ADK: variants seen among roughly 807,000 people sequenced by gnomAD.
The protein encoded by ADK is adenosine kinase.
ADK carries 24 observed loss-of-function variants against 44.7 expected under a neutral mutation model. The observed-to-expected ratio is 0.54, with a 90% CI of 0.39 to 0.76. The LOEUF is 0.76. Ranked by LOEUF, ADK falls within the 30% of genes least tolerant of loss-of-function variation. The probability of loss-of-function intolerance (pLI) is 0.00; values close to 1 mark genes in which losing one functional copy is unlikely to be tolerated. For missense variants in ADK, 321 were observed against 425.1 expected (o/e 0.76, Z 2.15); for synonymous variants, 128 against 142.6 (o/e 0.90, Z 0.73).
intron 6 of ADK, among the ~76,000 whole-genome samples, chr10:74,512,441 A>G (rs953701766): frequency 2.8e-5 from 3 of 107,180 alleles, no homozygotes; most frequent in African/African-American, 1.0e-4. Flanking sequence ...ACTTTTTGTT[A>G]TTAAATCAAT....
intron 4 of ADK, among the ~76,000 whole-genome samples, chr10:74,353,327 T>C (rs1200826306): frequency 6.6e-6 from 1 of 152,056 alleles, no homozygotes; most frequent in Non-Finnish European, 1.5e-5. Context: ...AAACACCACA[T>C]GTTCTCATTA....
intron 1 of ADK, among the ~76,000 whole-genome samples, chr10:74,155,959 C>T (rs149727601): frequency 9.2e-5 from 14 of 152,218 alleles, no homozygotes; most frequent in Middle Eastern, 3.4e-3. Flanking sequence ...TACTTATATT[C>T]GCAAATTTAA....
rs1344973928 is a variant in ADK, at chr10:74,443,705, TA to T, written c.555+45129del. On this transcript the variant is annotated intron_variant, in intron 6 of 10. Transcript: ENST00000539909. ...AATTTATATGTGAATTAGATCTCAA[TA>T]AAGCTTTTATTTTAAAAAATAGATG... Among the ~76,000 whole-genome samples, 4 of 152,156 alleles carry T rather than the reference TA, an allele frequency of 2.6e-5. No individual in the cohort carries two copies. In the East Asian group the frequency reaches 7.7e-4, roughly 29 times the overall value.
chr10:74,285,629 C>T (rs753580283), intron 3 of ADK, among the ~76,000 whole-genome samples: 54 of 152,188 alleles, frequency 3.5e-4, no homozygotes, highest in Non-Finnish European at 5.6e-4. Flanking sequence ...TCCACTGAGC[C>T]GAGATTGCAC....
intron 7 of ADK, among the ~76,000 whole-genome samples, chr10:74,535,222 A>T (rs911290851): frequency 6.6e-6 from 1 of 152,062 alleles, no homozygotes; most frequent in African/African-American, 2.4e-5. Context: ...GCACTTTGGG[A>T]GGTTGAAGTG....
At chr10:74,449,826 T>G (rs1274440576) in intron 6 of ADK, among the ~76,000 whole-genome samples, 1 of 152,200 alleles carries the variant, frequency 6.6e-6, no homozygotes, top group Admixed American at 6.5e-5. Flanking sequence ...GTATCGTGTG[T>G]TATTTATCCT....
intron 3 of ADK, among the ~76,000 whole-genome samples, chr10:74,268,669 A>G (rs938244429): frequency 1.4e-4 from 21 of 152,210 alleles, no homozygotes; most frequent in African/African-American, 4.8e-4. Context: ...AAATTAGCCT[A>G]TAATCTGTAA....
chr10:74,191,726 C>T (rs570719250), intron 1 of ADK, among the ~76,000 whole-genome samples: 6 of 152,120 alleles, frequency 3.9e-5, no homozygotes, highest in Admixed American at 6.5e-5. Context: ...AAGCTGATTT[C>T]GGTGTTATAC....
At chr10:74,385,333 C>T (rs1241153492) in intron 4 of ADK, among the ~76,000 whole-genome samples, 4 of 151,960 alleles carry the variant, frequency 2.6e-5, no homozygotes, top group Non-Finnish European at 1.5e-5. Context: ...ATATTCAGAG[C>T]AGTCATTTGA....
intron 9 of ADK, among the ~76,000 whole-genome samples, chr10:74,664,700 G>C (rs1254038062): frequency 6.6e-6 from 1 of 151,974 alleles, no homozygotes; most frequent in Non-Finnish European, 1.5e-5. Flanking sequence ...AAAATTAGCC[G>C]GGCATGGTGG....
chr10:74,270,036 A>T (rs1846366331), intron 3 of ADK, among the ~76,000 whole-genome samples: 1 of 152,162 alleles, frequency 6.6e-6, no homozygotes, highest in Non-Finnish European at 1.5e-5. Flanking sequence ...TAAGAATGTG[A>T]CATGTTAATA....
chr10:74,281,216 G>A (rs913762186), intron 3 of ADK, among the ~76,000 whole-genome samples: 1 of 152,242 alleles, frequency 6.6e-6, no homozygotes, highest in Non-Finnish European at 1.5e-5. Flanking sequence ...ATGTTGATCT[G>A]ATGCCCTGGT....
intron 6 of ADK, among the ~76,000 whole-genome samples, chr10:74,503,528 A>G (rs758031785): frequency 7.9e-5 from 12 of 152,198 alleles, no homozygotes; most frequent in Non-Finnish European, 1.6e-4. Context: ...AGTAGGGTTT[A>G]CAAAGTAATG....
chr10:74,605,338 C>T (rs1183481793), intron 9 of ADK, among the ~76,000 whole-genome samples: 1 of 152,100 alleles, frequency 6.6e-6, no homozygotes, highest in Non-Finnish European at 1.5e-5. Flanking sequence ...CAAAGGCAAT[C>T]CTTCCAGCTT....
intron 6 of ADK, among the ~76,000 whole-genome samples, chr10:74,493,704 T>C (rs188310929): frequency 1.6e-4 from 25 of 152,168 alleles, no homozygotes; most frequent in Admixed American, 2.6e-4. Context: ...TTAGATATTA[T>C]AATTTTTATT....
intron 3 of ADK, among the ~76,000 whole-genome samples, chr10:74,280,434 A>ACACACACACACACACACG (rs1398652325): frequency 5.3e-5 from 8 of 151,838 alleles, no homozygotes; most frequent in African/African-American, 1.9e-4. Flanking sequence ...ACACACACAC[A>ACACACACACACACACACG]CACACACACA....
intron 3 of ADK, among the ~76,000 whole-genome samples, chr10:74,285,138 T>C (rs1252615846): frequency 6.6e-6 from 1 of 152,174 alleles, no homozygotes; most frequent in Non-Finnish European, 1.5e-5. Flanking sequence ...AGTAATTCAT[T>C]AGGCAAGTGA....
chr10:74,546,565 T>C (rs772692597), intron 7 of ADK, among the ~76,000 whole-genome samples: 2 of 152,196 alleles, frequency 1.3e-5, no homozygotes, highest in East Asian at 1.9e-4. Flanking sequence ...ACAGGAAATA[T>C]ATCTGAAAAG....
At chr10:74,383,408 G>C (rs11001024) in intron 4 of ADK, among the ~76,000 whole-genome samples, 3 of 150,216 alleles carry the variant, frequency 2.0e-5, no homozygotes, top group African/African-American at 5.0e-5. Context: ...CTCTGTCTCT[G>C]TCTCTCTCTC....
Sources: gnomAD v4.1 joint callset for allele counts (sites outside exome capture counted in the v4.1 genomes callset) on GRCh38, gnomAD v4.1.1 for gene constraint, MANE v1.5 for transcripts, NCBI Gene and HGNC (gene_info 2026-07-23, HGNC 2026-07-21) for gene names.